The following RDH8 variants were observed in gnomAD, a reference collection of about 807,000 sequenced individuals.
RDH8 encodes the protein retinol dehydrogenase 8, also known as photoreceptor outer segment all-trans retinol dehydrogenase.
In RDH8, 14 loss-of-function variants were observed where a neutral mutation model predicts 22.3. The ratio of observed to expected loss-of-function variants is 0.63; its 90% confidence interval spans 0.42 to 0.98. The LOEUF is 0.98. Among genes scored for constraint, RDH8 ranks in the 50% least tolerant of loss-of-function variants. The probability of loss-of-function intolerance (pLI) is 0.00; values close to 1 mark genes in which losing one functional copy is unlikely to be tolerated. For synonymous variants in RDH8, 175 were observed against 171.7 expected (o/e 1.02, Z -0.15); for missense variants, 389 against 409.8 (o/e 0.95, Z 0.44).
chr19:10,018,792 G>A lies in RDH8; in HGVS notation c.324G>A (p.Gln108=). 6.2e-7 allele frequency: 1 copy of A among 1,614,038 alleles called. No individual in the cohort carries two copies. The change falls in exon 3 of 6, where the codon CAG becomes CAA. Residue 108 remains glutamine, a synonymous_variant. Coordinates refer to ENST00000591589, the MANE Select transcript of RDH8 (RefSeq NM_015725.4). ...PLEGLSLAAM[Q]NVFDTNFFGA... ...AGGGGCTCAGCCTTGCTGCCATGCA[G>A]AATGTCTTTGACACCAACTTTTTCG...
At chr19:10,014,251 G>T (rs1398677429) in intron 1 of RDH8, among the ~76,000 whole-genome samples, 1 of 152,202 alleles carries the variant, frequency 6.6e-6, no homozygotes, top group Admixed American at 6.5e-5. Context: ...GAGGCGACTG[G>T]GGGTGAGGGC....
intron 1 of RDH8, among the ~76,000 whole-genome samples, chr19:10,016,296 G>A (rs1405404007): frequency 2.7e-5 from 4 of 146,804 alleles, no homozygotes; most frequent in South Asian, 4.4e-4. Context: ...ACAGGCGCCT[G>A]CCACCACGCC....
Position 10,018,533 on chromosome 19 carries a change from C to T in RDH8, c.263-198C>T, listed in dbSNP as rs566735527. Among the ~76,000 whole-genome samples, 18 of 152,304 alleles carry T rather than the reference C, an allele frequency of 1.2e-4. No homozygotes were observed. The East Asian group carries it at 1.4e-3, about 11-fold the overall frequency. ...GGCACTATTCCCAGCAGCCCTTCCT[C>T]CCACTCAGGGCTGAGGATCCCCTAT... On this transcript the variant is annotated intron_variant, in intron 2 of 5. Coordinates refer to ENST00000591589, the MANE Select transcript of RDH8 (RefSeq NM_015725.4).
chr19:10,017,698 G>A (rs1433214989), intron 2 of RDH8, among the ~76,000 whole-genome samples: 1 of 152,160 alleles, frequency 6.6e-6, no homozygotes, highest in African/African-American at 2.4e-5. Flanking sequence ...CCAGGCTGGA[G>A]TGCAGTGGCG....
At position 10,021,577 on chromosome 19, in the gene RDH8, G is replaced by A. The variant is rs141852332; in HGVS notation, c.764G>A (p.Arg255Gln). 7.4e-6 allele frequency: 12 copies of A among 1,614,094 alleles called. No individual in the cohort carries two copies. Among genetic ancestry groups the A allele is most frequent in the Admixed American group, 3.3e-5 (2 of 60,018 alleles). ...VISSTRPPLR[R>Q]QTNIRYSPLT... Reference sequence around the variant, plus strand: ...AGCTCGACTCGACCACCCCTGCGCCGACAGACCAACATCCGCTACTCGCCG... The same window carrying A: ...AGCTCGACTCGACCACCCCTGCGCCAACAGACCAACATCCGCTACTCGCCG... The change falls in exon 6 of 6, where the codon CGA (arginine) becomes CAA (glutamine). Residue 255 changes from arginine (R) to glutamine (Q), a missense_variant. Physicochemically the swap from Arg to Gln is conservative, Grantham distance 43 (BLOSUM62 1). Transcript: ENST00000591589.
At position 10,021,238 on chromosome 19, in the gene RDH8, C is replaced by T. The variant is rs1190039950; in HGVS notation, c.537-17C>T. ...GGTTGGGGCATCAGACTTACACTAC[C>T]CATGCCTGGTCGCCAGCATCTCCCT... On this transcript the variant is annotated splice_polypyrimidine_tract_variant and intron_variant, in intron 4 of 5. Transcript: ENST00000591589. The T allele has an allele frequency of 3.1e-6, 5 of 1,613,632 alleles. No individual in the cohort carries two copies. In the East Asian group the frequency reaches 1.1e-4, roughly 36 times the overall value.
chr19:10,014,849 G>C (rs1390675329), intron 1 of RDH8, among the ~76,000 whole-genome samples: 1 of 152,096 alleles, frequency 6.6e-6, no homozygotes, highest in Non-Finnish European at 1.5e-5. Flanking sequence ...CCCTATTTTA[G>C]AAATGAGGAA....
At chr19:10,020,005 G>A (rs1261399159) in intron 3 of RDH8, among the ~76,000 whole-genome samples, 2 of 151,956 alleles carry the variant, frequency 1.3e-5, no homozygotes, top group East Asian at 3.9e-4. Context: ...GCTGGGTGTG[G>A]TGGTGTGCAC....
intron 1 of RDH8, among the ~76,000 whole-genome samples, chr19:10,013,911 T>C (rs1311189963): frequency 6.6e-6 from 1 of 151,642 alleles, no homozygotes; most frequent in Non-Finnish European, 1.5e-5. Context: ...GAATAAGTGC[T>C]GAGACACAAA....
chr19:10,016,672 A>G (rs576890282), intron 1 of RDH8, among the ~76,000 whole-genome samples: 1 of 150,272 alleles, frequency 6.7e-6, no homozygotes, highest in African/African-American at 2.5e-5. Flanking sequence ...GGATCTCGCT[A>G]TACTTCCCAG....
At position 10,021,908 on chromosome 19, in the gene RDH8, T is replaced by C; in HGVS notation, c.*159T>C. The C allele has an allele frequency of 2.6e-6, 2 of 780,962 alleles. No homozygotes were observed. Among genetic ancestry groups the C allele is most frequent in the South Asian group, 1.8e-5 (1 of 55,036 alleles). 48.4% of individuals were successfully genotyped at this position (780,962 alleles called of 1,614,324 possible). A position where few individuals can be genotyped will look rare whatever the true frequency, so the allele number is the denominator to read the frequency against. Reference sequence around the variant, plus strand: ...GCTAGAATCCCAGAAGGGCCTTTATTTTCAGGCATAGACTCCTCTGTGGTC... The same window carrying C: ...GCTAGAATCCCAGAAGGGCCTTTATCTTCAGGCATAGACTCCTCTGTGGTC... On this transcript the variant is annotated 3_prime_UTR_variant, in exon 6 of 6. Transcript: ENST00000591589.
Position 10,022,045 on chromosome 19 carries a change from T to G in RDH8, c.*296T>G, listed in dbSNP as rs1485416352. 1 of 410,528 alleles carries G rather than the reference T, an allele frequency of 2.4e-6. No homozygotes were observed. Among genetic ancestry groups the G allele is most frequent in the Non-Finnish European group, 4.4e-6 (1 of 228,176 alleles). 25.4% of individuals were successfully genotyped at this position (410,528 alleles called of 1,614,324 possible). The stretch of plus-strand genomic sequence containing the variant: ...AGGCTTCCTGGAGGAAGCGGCATTG[T>G]TATGAGCCTTGAAGGAAGAGACAGA... On this transcript the variant is annotated 3_prime_UTR_variant, in exon 6 of 6. Transcript: ENST00000591589.
rs777560748 is a variant in RDH8 at position 10,018,905 on chromosome 19, T to G, written c.437T>G (p.Leu146Arg). The G allele has an allele frequency of 2.3e-5, 37 of 1,604,290 alleles. No homozygotes were observed. Among genetic ancestry groups the G allele is most frequent in the Non-Finnish European group, 2.4e-5 (28 of 1,173,302 alleles). Reference sequence around the variant, plus strand: ...GTGGTGATCAGCAGTGTCATGGGCCTGCAGGGTGAGCTGTGGGGACCCAAC... The same window carrying G: ...GTGGTGATCAGCAGTGTCATGGGCCGGCAGGGTGAGCTGTGGGGACCCAAC... ...HIVVISSVMGLQGVIFNDVYA... is the reference protein window; with the variant it reads ...HIVVISSVMGRQGVIFNDVYA... Residue 146 changes from leucine to arginine, a missense_variant, in exon 3 of 6, where the codon CTG (leucine) becomes CGG (arginine). Physicochemically the swap from Leu to Arg is moderately radical, Grantham distance 102. Transcript: ENST00000591589.
intron 3 of RDH8, 120 bp downstream of exon 3, chr19:10,019,030 T>A: frequency 1.2e-6 from 1 of 810,600 alleles, no homozygotes. Flanking sequence ...GGCACGGTGA[T>A]TCATGCCTGT....
rs769841419 is a variant in RDH8, at chr19:10,018,880, G to C, written c.412G>C (p.Val138Leu). 1.2e-6 allele frequency: 2 copies of C among 1,612,990 alleles called. No homozygotes were observed. Among genetic ancestry groups the C allele is most frequent in the Non-Finnish European group, 1.7e-6 (2 of 1,179,236 alleles). The change falls in exon 3 of 6, where the codon GTG (valine) becomes CTG (leucine). Residue 138 changes from valine to leucine, a missense_variant. Val to Leu is a conservative substitution (Grantham distance 32). Coordinates refer to ENST00000591589, the MANE Select transcript of RDH8 (RefSeq NM_015725.4). Reference sequence around the variant, plus strand: ...GAAGAGGAGGCGGCAGGGCCACATCGTGGTGATCAGCAGTGTCATGGGCCT... The same window carrying C: ...GAAGAGGAGGCGGCAGGGCCACATCCTGGTGATCAGCAGTGTCATGGGCCT... ...GMKRRRQGHI[V>L]VISSVMGLQG...
In RDH8 at chr19:10,021,288, C is replaced by T. The variant is rs1409185636; in HGVS notation, c.570C>T (p.Thr190=). The part of the protein sequence containing the change: ...ISLVEPGPVV[T]EFEGKLLAQV... ...TGGTGGAGCCAGGCCCCGTGGTCACCGAGTTTGAGGGGAAGCTTCTGGCGC... is the reference window on the plus strand; with the variant it reads ...TGGTGGAGCCAGGCCCCGTGGTCACTGAGTTTGAGGGGAAGCTTCTGGCGC... Residue 190 remains threonine, a synonymous_variant, in exon 5 of 6, where the codon ACC becomes ACT. Transcript: ENST00000591589. 10 of 1,614,098 alleles carry T rather than the reference C, an allele frequency of 6.2e-6. No homozygotes were observed. The East Asian group carries it at 8.9e-5, about 14-fold the overall frequency.
At chr19:10,016,948 T>A in intron 1 of RDH8, 109 bp from the exon 2 acceptor site, 1 of 1,225,214 alleles carries the variant, frequency 8.2e-7, no homozygotes. Context: ...TGTAAACTTG[T>A]GAGTTTCCAT....
chr19:10,020,980 T>C (rs1401678169), intron 4 of RDH8, 178 bp downstream of exon 4: 2 of 642,020 alleles, frequency 3.1e-6, no homozygotes, highest in African/African-American at 3.7e-5. Flanking sequence ...GAGACCAGCC[T>C]GGGCAACATA....
At chr19:10,018,933 T>C (rs765828327) in intron 3 of RDH8, 23 bp downstream of exon 3, 1 of 1,572,744 alleles carries the variant, frequency 6.4e-7, no homozygotes, top group South Asian at 1.2e-5. Flanking sequence ...GACCCAACCC[T>C]GGAAATCCCA....
Sources: allele counts gnomAD v4.1 joint callset (sites outside exome capture counted in the v4.1 genomes callset), GRCh38; gene constraint gnomAD v4.1.1; transcripts MANE v1.5; gene names NCBI Gene and HGNC (gene_info 2026-07-23, HGNC 2026-07-21).